Variants in UGT1A6 observed in about 807,000 individuals in gnomAD.
The protein encoded by UGT1A6 is UDP glucuronosyltransferase family 1 member A6.
Under a neutral mutation model 44.4 loss-of-function variants are expected in UGT1A6, and 32 were observed. That is an observed-to-expected ratio of 0.72 (90% CI 0.54 to 0.97). The LOEUF (loss-of-function observed/expected upper bound fraction) is 0.97. UGT1A6 is among the 50% of genes least tolerant of loss of function. The pLI is 0.00. For synonymous variants in UGT1A6, 238 were observed against 248.5 expected (o/e 0.96, Z 0.40); for missense variants, 685 against 661.9 (o/e 1.03, Z -0.38).
At chr2:233,757,721 G>A (rs1696705329) in intron 1 of UGT1A6, among the ~76,000 whole-genome samples, 1 of 151,638 alleles carries the variant, frequency 6.6e-6, no homozygotes, top group Non-Finnish European at 1.5e-5. Flanking sequence ...GGAGGGTCCT[G>A]TAGATGATCT....
chr2:233,757,451 G>GTC (rs1696532284), intron 1 of UGT1A6, among the ~76,000 whole-genome samples: 1 of 150,202 alleles, frequency 6.7e-6, no homozygotes, highest in South Asian at 2.1e-4. Context: ...ACAGAAACAT[G>GTC]TCCAGAGCGC....
chr2:233,712,992 A>G, intron 1 of UGT1A6: 1 of 1,613,364 alleles, frequency 6.2e-7, no homozygotes, highest in Non-Finnish European at 8.5e-7. Context: ...TTCTGCTGAG[A>G]TGGCCACAGG....
intron 1 of UGT1A6, chr2:233,743,933 G>T (rs1319527828): frequency 7.4e-7 from 1 of 1,357,046 alleles, no homozygotes; most frequent in African/African-American, 1.5e-5. Context: ...TGGCCAGAAC[G>T]GCCCACCAGG....
intron 1 of UGT1A6, chr2:233,729,923 C>T (rs760546149): frequency 3.7e-6 from 6 of 1,614,016 alleles, no homozygotes; most frequent in Non-Finnish European, 5.1e-6. Flanking sequence ...ATGGACTACC[C>T]CAGGCCAATC....
intron 1 of UGT1A6, among the ~76,000 whole-genome samples, chr2:233,757,812 T>C (rs772268398): frequency 4.0e-5 from 6 of 151,794 alleles, no homozygotes; most frequent in Non-Finnish European, 8.8e-5. Flanking sequence ...TGAAAGGAGC[T>C]GGTAGTGTGT....
intron 1 of UGT1A6, chr2:233,713,803 C>G: frequency 6.2e-7 from 1 of 1,614,054 alleles, no homozygotes; most frequent in East Asian, 2.2e-5. Context: ...CCGATCATGC[C>G]CAACATGGTC....
rs375974892 is a variant in UGT1A6 at position 233,760,864 on chromosome 2, G to A, written c.862-6170G>A. The A allele has an allele frequency of 8.0e-5, 129 of 1,613,862 alleles. No individual in the cohort carries two copies. Among genetic ancestry groups the A allele is most frequent in the Non-Finnish European group, 9.2e-5 (109 of 1,179,976 alleles). ...CCAGTGCCCCAACCCATTCTCCTAC[G>A]TGCCCAGGCCTCTCTCCTCTCATTC... is the stretch of plus-strand genomic sequence containing the variant. On this transcript the variant is annotated intron_variant, in intron 1 of 4. Coordinates refer to ENST00000305139, the MANE Select transcript of UGT1A6 (RefSeq NM_001072.4).
intron 1 of UGT1A6, among the ~76,000 whole-genome samples, chr2:233,719,947 A>G (rs1392958474): frequency 6.6e-6 from 1 of 152,220 alleles, no homozygotes; most frequent in Admixed American, 6.5e-5. Context: ...TAAAGGCACC[A>G]TCTTCATGGT....
intron 1 of UGT1A6, chr2:233,754,819 C>A (rs768110391): frequency 7.5e-7 from 1 of 1,334,292 alleles, no homozygotes; most frequent in Non-Finnish European, 1.0e-6. Flanking sequence ...AAACCACCCT[C>A]AAAAGCTGGA....
In UGT1A6 at chr2:233,755,120, A is replaced by G. The variant is rs768427236; in HGVS notation, c.862-11914A>G. 115 of 1,328,248 alleles carry G rather than the reference A, an allele frequency of 8.7e-5. 2 individuals are homozygous for G. Among genetic ancestry groups the G allele is most frequent in the Admixed American group, 1.9e-4 (10 of 52,520 alleles). 82.3% of individuals were successfully genotyped at this position (1,328,248 alleles called of 1,614,324 possible). On this transcript the variant is annotated intron_variant, in intron 1 of 4. Transcript: ENST00000305139. ...CGTCCGACAACACCTCGTAGGCCTC[A>G]GCCACCTGCTTGAATCTTCTCACCG...
chr2:233,727,417 C>T (rs2077614364), intron 1 of UGT1A6, among the ~76,000 whole-genome samples: 1 of 152,144 alleles, frequency 6.6e-6, no homozygotes, highest in Non-Finnish European at 1.5e-5. Flanking sequence ...TCCTCAGGGT[C>T]TGGGAGTCCC....
chr2:233,713,670 G>C (rs200994534), intron 1 of UGT1A6: 39 of 1,613,840 alleles, frequency 2.4e-5, no homozygotes, highest in East Asian at 1.8e-4. Context: ...TTGCCATGCT[G>C]TTTCTGCTCC....
intron 2 of UGT1A6, 45 bp from the exon 3 acceptor site, chr2:233,767,804 A>T: frequency 6.2e-7 from 1 of 1,614,124 alleles, no homozygotes; most frequent in Non-Finnish European, 8.5e-7. Flanking sequence ...TTTTCTAATC[A>T]TATTATGTTC....
At chr2:233,697,288 T>G (rs929797712) in intron 1 of UGT1A6, among the ~76,000 whole-genome samples, 1 of 152,166 alleles carries the variant, frequency 6.6e-6, no homozygotes, top group African/African-American at 2.4e-5. Context: ...TTTCTATTTC[T>G]TCTTCATTCA....
intron 1 of UGT1A6, chr2:233,729,894 G>A (rs2077943725): frequency 1.9e-6 from 3 of 1,613,848 alleles, no homozygotes; most frequent in East Asian, 4.5e-5. Context: ...CTGTGTGGCT[G>A]TTCCGAGGGG....
Position 233,715,341 on chromosome 2 carries a change from TAGGTTTG to T in UGT1A6, c.861+21486_861+21492del, listed in dbSNP as rs563425877. On this transcript the variant is annotated intron_variant, in intron 1 of 4. Coordinates refer to ENST00000305139, the MANE Select transcript of UGT1A6 (RefSeq NM_001072.4). ...TACATAGTGATTAGATTGGTGCATGTAGGTTTGAGGTTTGAGACTTATATTTTCTTCA... is the reference window on the plus strand; with the variant it reads ...TACATAGTGATTAGATTGGTGCATGTAGGTTTGAGACTTATATTTTCTTCA... 4.5e-3 allele frequency among the ~76,000 whole-genome samples: 684 copies of T among 152,178 alleles called. 4 individuals are homozygous for T. Among genetic ancestry groups the T allele is most frequent in the African/African-American group, 0.016 (645 of 41,522 alleles).
chr2:233,713,172 C>T (rs1256255706), intron 1 of UGT1A6: 2 of 1,614,090 alleles, frequency 1.2e-6, no homozygotes, highest in Admixed American at 1.7e-5. Context: ...GGTGGTGGTC[C>T]TCACCCTGGA....
intron 1 of UGT1A6, among the ~76,000 whole-genome samples, chr2:233,701,182 A>G (rs1030234250): frequency 6.6e-6 from 1 of 152,142 alleles, no homozygotes. Context: ...ATAAACATAC[A>G]TGTGCATGTG....
intron 1 of UGT1A6, chr2:233,753,231 A>G (rs1378697040): frequency 1.3e-5 from 2 of 152,142 alleles, no homozygotes; most frequent in African/African-American, 4.8e-5. Flanking sequence ...CTTCTTGTAT[A>G]GTTATTATTT....
Sources: allele counts gnomAD v4.1 joint callset (sites outside exome capture counted in the v4.1 genomes callset), GRCh38; gene constraint gnomAD v4.1.1; transcripts MANE v1.5; gene names NCBI Gene and HGNC (gene_info 2026-07-23, HGNC 2026-07-21).